Variants in CDH13 observed in about 807,000 individuals in gnomAD.
CDH13 encodes cadherin 13, also known as cadherin-13.
Under a neutral mutation model 63.8 loss-of-function variants are expected in CDH13, and 24 were observed. That is an observed-to-expected ratio of 0.38 (90% CI 0.27 to 0.53). The LOEUF (loss-of-function observed/expected upper bound fraction) is 0.53. Among genes scored for constraint, CDH13 ranks in the 20% least tolerant of loss-of-function variants. The probability of loss-of-function intolerance (pLI) is 0.85; values close to 1 mark genes in which losing one functional copy is unlikely to be tolerated. For synonymous variants in CDH13, 503 were observed against 355.3 expected, an observed-to-expected ratio of 1.42 and a Z score of -4.67; for missense variants, 1,049 against 903.1, an observed-to-expected ratio of 1.16 and a Z score of -2.07.
intron 7 of CDH13, among the ~76,000 whole-genome samples, chr16:83,591,354 T>G (rs1338620876): frequency 6.6e-6 from 1 of 152,242 alleles, no homozygotes; most frequent in Non-Finnish European, 1.5e-5. Flanking sequence ...CAATTACTTT[T>G]TATTTTACTT....
At chr16:82,879,570 T>A (rs976180843) in intron 2 of CDH13, among the ~76,000 whole-genome samples, 4 of 142,554 alleles carry the variant, frequency 2.8e-5, no homozygotes, top group Admixed American at 7.2e-5. Flanking sequence ...TTGTATATTT[T>A]ATATACAATA....
chr16:83,267,253 G>C (rs1290029689), intron 5 of CDH13, among the ~76,000 whole-genome samples: 1 of 152,108 alleles, frequency 6.6e-6, no homozygotes, highest in East Asian at 1.9e-4. Flanking sequence ...GGAAGCTCCA[G>C]GGATGGTTAA....
intron 7 of CDH13, among the ~76,000 whole-genome samples, chr16:83,570,498 A>G (rs1904475600): frequency 6.6e-6 from 1 of 151,888 alleles, no homozygotes; most frequent in Non-Finnish European, 1.5e-5. Context: ...GGAAAAACGT[A>G]CTGCTGCCCT....
chr16:83,517,103 A>G (rs2074714317), intron 7 of CDH13, among the ~76,000 whole-genome samples: 1 of 152,190 alleles, frequency 6.6e-6, no homozygotes, highest in South Asian at 2.1e-4. Context: ...AATTCCTGGA[A>G]TCTCTTGCTG....
At chr16:82,712,169 A>C (rs538967061) in intron 1 of CDH13, among the ~76,000 whole-genome samples, 1 of 152,334 alleles carries the variant, frequency 6.6e-6, no homozygotes, top group East Asian at 1.9e-4. Context: ...CTACAGACTT[A>C]ACGCCATTAT....
chr16:83,515,001 C>T (rs1174904463), intron 7 of CDH13, among the ~76,000 whole-genome samples: 4 of 152,182 alleles, frequency 2.6e-5, no homozygotes, highest in African/African-American at 9.7e-5. Context: ...AAGATCATGT[C>T]TTACCCAGGT....
chr16:83,681,349 G>T (rs561267838), intron 10 of CDH13, among the ~76,000 whole-genome samples: 21 of 152,294 alleles, frequency 1.4e-4, no homozygotes, highest in African/African-American at 5.1e-4. Context: ...TTTACAGATT[G>T]GCCTAGCTGA....
intron 2 of CDH13, among the ~76,000 whole-genome samples, chr16:82,909,362 T>C (rs1467216568): frequency 1.3e-5 from 2 of 152,004 alleles, no homozygotes; most frequent in African/African-American, 2.4e-5. Flanking sequence ...AAATAAAATG[T>C]GTGCGTTAAA....
At chr16:82,802,491 G>A (rs1364784797) in intron 1 of CDH13, among the ~76,000 whole-genome samples, 1 of 152,104 alleles carries the variant, frequency 6.6e-6, no homozygotes, top group Admixed American at 6.5e-5. Flanking sequence ...TTCTCTGGTG[G>A]TGCTCTATCA....
intron 1 of CDH13, among the ~76,000 whole-genome samples, chr16:82,723,575 G>C (rs1302695734): frequency 1.3e-5 from 2 of 152,058 alleles, no homozygotes; most frequent in Non-Finnish European, 1.5e-5. Flanking sequence ...ATCTGGTGGG[G>C]GACAGTGGAG....
At chr16:82,708,964 A>G (rs1420322602) in intron 1 of CDH13, among the ~76,000 whole-genome samples, 1 of 152,190 alleles carries the variant, frequency 6.6e-6, no homozygotes, top group African/African-American at 2.4e-5. Context: ...TTAGAACCAG[A>G]AGAGTCCTGA....
chr16:82,918,384 T>A (rs2042055707), intron 2 of CDH13, among the ~76,000 whole-genome samples: 1 of 152,158 alleles, frequency 6.6e-6, no homozygotes, highest in Non-Finnish European at 1.5e-5. Flanking sequence ...ATCCTGAAGA[T>A]GAGAGGTGAG....
intron 4 of CDH13, among the ~76,000 whole-genome samples, chr16:83,164,833 A>G (rs917516209): frequency 2.6e-5 from 4 of 151,554 alleles, no homozygotes; most frequent in African/African-American, 9.7e-5. Context: ...AACAGTGTGT[A>G]TATATATATA....
chr16:82,652,410 T>G (rs1317616430), intron 1 of CDH13, among the ~76,000 whole-genome samples: 3 of 152,214 alleles, frequency 2.0e-5, no homozygotes, highest in African/African-American at 7.2e-5. Context: ...TTATATATCT[T>G]CTATCCTGAT....
chr16:83,453,006 T>G (rs2072924699), intron 6 of CDH13, among the ~76,000 whole-genome samples: 1 of 152,174 alleles, frequency 6.6e-6, no homozygotes, highest in African/African-American at 2.4e-5. Flanking sequence ...AATCACTTAA[T>G]TTTTGAGCCT....
At chr16:83,127,548 G>A (rs2035866464) in intron 4 of CDH13, among the ~76,000 whole-genome samples, 1 of 152,012 alleles carries the variant, frequency 6.6e-6, no homozygotes. Context: ...TGGCCAACGT[G>A]GCGAAACCCC....
In CDH13 at chr16:83,066,716, C is replaced by T. The variant is rs75476784; in HGVS notation, c.366+34498C>T. 4.6e-3 allele frequency among the ~76,000 whole-genome samples: 693 copies of T among 152,260 alleles called. 4 individuals carry two copies. Among genetic ancestry groups the T allele is most frequent in the South Asian group, 7.7e-3 (37 of 4,820 alleles). ...TCCAAACGATCAGCAAATTCTCGCC[C>T]GGTGTGAAGTCAGTCTTTTAATTTA... is the stretch of plus-strand genomic sequence containing the variant. On this transcript the variant is annotated intron_variant, in intron 3 of 13. Transcript: ENST00000567109.
chr16:83,092,736 C>A (rs1055799459), intron 3 of CDH13, among the ~76,000 whole-genome samples: 1 of 152,114 alleles, frequency 6.6e-6, no homozygotes, highest in Non-Finnish European at 1.5e-5. Context: ...CCCAAATACA[C>A]CTATTATTAC....
At chr16:82,987,402 A>G (rs1277959069) in intron 2 of CDH13, among the ~76,000 whole-genome samples, 1 of 151,980 alleles carries the variant, frequency 6.6e-6, no homozygotes, top group African/African-American at 2.4e-5. Flanking sequence ...TTTGAGATGG[A>G]GTCTTGATCT....
Sources: gnomAD v4.1 joint callset for allele counts (sites outside exome capture counted in the v4.1 genomes callset) on GRCh38, gnomAD v4.1.1 for gene constraint, MANE v1.5 for transcripts, NCBI Gene and HGNC (gene_info 2026-07-23, HGNC 2026-07-21) for gene names.